LINGO2: variants seen among roughly 807,000 people sequenced by gnomAD.
LINGO2 encodes leucine rich repeat and Ig domain containing 2.
Under a neutral mutation model 30.6 loss-of-function variants are expected in LINGO2, and 14 were observed. The observed-to-expected ratio is 0.46, with a 90% CI of 0.30 to 0.72. The LOEUF is 0.72. Among genes scored for constraint, LINGO2 ranks in the 30% least tolerant of loss-of-function variants. The pLI is 0.07. For missense variants in LINGO2, 729 were observed against 751.7 expected (o/e 0.97, Z 0.35); for synonymous variants, 317 against 288.5 (o/e 1.10, Z -1.00).
At chr9:29,183,517 C>G in the LINGO2 span, among the ~76,000 whole-genome samples, 1 of 152,096 alleles carries the variant, frequency 6.6e-6, no homozygotes, top group Admixed American at 6.6e-5. Flanking sequence ...AGGTTAAAAC[C>G]TAAGACTTTG....
intron 2 of LINGO2, among the ~76,000 whole-genome samples, chr9:28,433,949 C>CTCTCTCTCTCTCTCTATATATATATATA: frequency 1.1e-5 from 1 of 88,544 alleles, no homozygotes; most frequent in African/African-American, 4.5e-5. Flanking sequence ...CTCTCTCTCT[C>CTCTCTCTCTCTCTCTATATATATATATA]TATATATATA....
At position 28,666,081 on chromosome 9, in the gene LINGO2, G is replaced by T. The variant is rs559861476; in HGVS notation, c.-365+4119C>A. Among the ~76,000 whole-genome samples, 1,106 of 151,912 alleles carry T rather than the reference G, an allele frequency of 7.3e-3. 12 individuals are homozygous for T. The highest frequency in any genetic ancestry group is 0.025 in the African/African-American group (1,051 of 41,408). On this transcript the variant is annotated intron_variant, in intron 1 of 5. Coordinates refer to ENST00000379992, the Ensembl canonical transcript of LINGO2. Reference sequence around the variant, plus strand: ...TAATTTTTGTATTTTTAGTAGAGACGGGGTTTCACCATCTTGGCCAGGCTG... The same window carrying T: ...TAATTTTTGTATTTTTAGTAGAGACTGGGTTTCACCATCTTGGCCAGGCTG...
chr9:29,189,132 G>C, the LINGO2 span, among the ~76,000 whole-genome samples: 1 of 132,094 alleles, frequency 7.6e-6, no homozygotes, highest in Non-Finnish European at 1.7e-5. Context: ...GGGGCGGCTG[G>C]CCGGGCGGGG....
intron 2 of LINGO2, among the ~76,000 whole-genome samples, chr9:28,386,983 T>G (rs1821607182): frequency 6.6e-6 from 1 of 152,224 alleles, no homozygotes; most frequent in African/African-American, 2.4e-5. Flanking sequence ...ATGAACACTG[T>G]GTACCTAATA....
chr9:28,381,803 C>T (rs564849898), intron 2 of LINGO2, among the ~76,000 whole-genome samples: 6 of 152,136 alleles, frequency 3.9e-5, no homozygotes, highest in African/African-American at 1.2e-4. Context: ...ACTTCTAACC[C>T]GACACTACAA....
the LINGO2 span, among the ~76,000 whole-genome samples, chr9:29,008,914 C>G: frequency 1.3e-5 from 2 of 152,110 alleles, no homozygotes; most frequent in East Asian, 3.9e-4. Flanking sequence ...AGCATATAAA[C>G]AGAACCAAAG....
At chr9:29,168,791 G>T in the LINGO2 span, among the ~76,000 whole-genome samples, 3 of 152,178 alleles carry the variant, frequency 2.0e-5, no homozygotes, top group Non-Finnish European at 4.4e-5. Flanking sequence ...GATTAGGAAG[G>T]AATAGCTGTG....
intron 1 of LINGO2, among the ~76,000 whole-genome samples, chr9:28,614,938 T>C (rs1264952206): frequency 6.6e-6 from 1 of 152,106 alleles, no homozygotes; most frequent in Non-Finnish European, 1.5e-5. Context: ...GAGGCTTCTA[T>C]TAGCCTCCAA....
chr9:28,027,336 C>G (rs1469146148), intron 4 of LINGO2, among the ~76,000 whole-genome samples: 1 of 152,158 alleles, frequency 6.6e-6, no homozygotes, highest in East Asian at 1.9e-4. Context: ...CATGCATACT[C>G]TGGAATTTGG....
At chr9:28,005,688 C>T (rs114072940) in intron 5 of LINGO2, among the ~76,000 whole-genome samples, 1,699 of 151,850 alleles carry the variant, frequency 0.011, 24 homozygotes, top group African/African-American at 0.039. Context: ...TCATTTCAGC[C>T]GATGAGGGAA....
intron 5 of LINGO2, among the ~76,000 whole-genome samples, chr9:27,984,084 G>A (rs1183998366): frequency 6.6e-6 from 1 of 151,812 alleles, no homozygotes; most frequent in Admixed American, 6.6e-5. Context: ...GCAGTGGACT[G>A]GGAAGAACAA....
At chr9:28,218,490 A>T (rs921964890) in intron 4 of LINGO2, among the ~76,000 whole-genome samples, 1 of 152,056 alleles carries the variant, frequency 6.6e-6, no homozygotes, top group African/African-American at 2.4e-5. Flanking sequence ...GAAAAGTCAC[A>T]TGTTCTCCAC....
At chr9:28,499,550 C>T (rs1403321134) in intron 1 of LINGO2, among the ~76,000 whole-genome samples, 1 of 152,064 alleles carries the variant, frequency 6.6e-6, no homozygotes. Context: ...GGTTTCAAAC[C>T]CAGACTTCCC....
the LINGO2 span, among the ~76,000 whole-genome samples, chr9:28,914,249 C>G: frequency 6.6e-6 from 1 of 151,812 alleles, no homozygotes; most frequent in African/African-American, 2.4e-5. Context: ...AACATATAAC[C>G]AAAAGGAGGG....
chr9:28,547,309 T>C (rs1053294865), intron 1 of LINGO2, among the ~76,000 whole-genome samples: 3 of 152,122 alleles, frequency 2.0e-5, no homozygotes, highest in Non-Finnish European at 4.4e-5. Flanking sequence ...GAAACCCTTA[T>C]ATGTAAAGAA....
chr9:28,199,351 T>TCCTCCTCCTCCTCCTCCCCCTCC (rs1290385489), intron 4 of LINGO2, among the ~76,000 whole-genome samples: 1 of 149,852 alleles, frequency 6.7e-6, no homozygotes, highest in East Asian at 1.9e-4. Context: ...CTTCTTTTTT[T>TCCTCCTCCTCCTCCTCCCCCTCC]TTTTTTGAGA....
chr9:28,952,707 G>A, the LINGO2 span, among the ~76,000 whole-genome samples: 2 of 152,234 alleles, frequency 1.3e-5, no homozygotes, highest in East Asian at 1.9e-4. Context: ...AAGTAGCCAC[G>A]TTAGACCATC....
intron 1 of LINGO2, among the ~76,000 whole-genome samples, chr9:28,580,462 C>T (rs1383704149): frequency 6.6e-6 from 1 of 151,926 alleles, no homozygotes; most frequent in Non-Finnish European, 1.5e-5. Flanking sequence ...CATCCCCCTC[C>T]CTCCCACTGA....
At chr9:28,692,336 G>A in the LINGO2 span, among the ~76,000 whole-genome samples, 1 of 151,994 alleles carries the variant, frequency 6.6e-6, no homozygotes, top group Admixed American at 6.6e-5. Flanking sequence ...TTAGCCAAGT[G>A]TGGTGGTGTG....
Sources: gnomAD v4.1 joint callset for allele counts (sites outside exome capture counted in the v4.1 genomes callset) on GRCh38, gnomAD v4.1.1 for gene constraint, MANE v1.5 for transcripts, NCBI Gene and HGNC (gene_info 2026-07-23, HGNC 2026-07-21) for gene names.